Variants in AZGP1 observed in about 807,000 individuals in gnomAD.
AZGP1 encodes alpha-2-glycoprotein 1, zinc-binding.
A neutral mutation model predicts 31.5 loss-of-function variants in AZGP1; 28 were observed. That is an observed-to-expected ratio of 0.89 (90% CI 0.66 to 1.22). AZGP1 has a LOEUF of 1.22. Ranked by LOEUF, AZGP1 falls within the 50% of genes most tolerant of loss-of-function variation. The pLI, the probability that AZGP1 is intolerant of heterozygous loss-of-function variation, is 0.00. For missense variants in AZGP1, 361 were observed against 371.8 expected (o/e 0.97, Z 0.24); for synonymous variants, 135 against 145.4 (o/e 0.93, Z 0.51).
intron 3 of AZGP1, 57 bp from the exon 4 acceptor site, chr7:99,967,343 G>A (rs1584298477): frequency 1.3e-6 from 2 of 1,560,400 alleles, no homozygotes; most frequent in Non-Finnish European, 8.7e-7. Context: ...CCCGGCCCAG[G>A]TCTCTTCCTA....
At chr7:99,971,642 C>T (rs1789578602) in intron 2 of AZGP1, 104 bp downstream of exon 2, 1 of 1,398,062 alleles carries the variant, frequency 7.2e-7, no homozygotes, top group Non-Finnish European at 9.8e-7. Context: ...TGTTCTTCCC[C>T]TGGGATTGGG....
rs779439726 is a variant in AZGP1, at chr7:99,971,850, T to C, written c.233A>G (p.Glu78Gly). ...SQPMGLWRQV[E>G]GMEDWKQDSQ... ...GTCCTGCTTCCAATCCTCCATTCCT[T>C]CCACCTGTCTCCAGAGTCCCATGGG... is the stretch of plus-strand genomic sequence containing the variant. The change falls in exon 2 of 4, where the codon GAA (glutamate) becomes GGA (glycine). Residue 78 changes from glutamate to glycine, a missense_variant. Transcript: ENST00000292401. 1 of 1,614,146 alleles carries C rather than the reference T, an allele frequency of 6.2e-7. No homozygotes were observed. The highest frequency in any genetic ancestry group is 1.1e-5 in the South Asian group (1 of 91,074).
Position 99,968,185 on chromosome 7 carries a change from T to A in AZGP1, c.583A>T (p.Lys195Ter). The A allele has an allele frequency of 6.2e-7, 1 of 1,613,916 alleles. No homozygotes were observed. The highest frequency in any genetic ancestry group is 1.7e-4 in the Middle Eastern group (1 of 6,060). Residue 195 changes from lysine to a stop codon, truncating the protein, a stop_gained, in exon 3 of 4, where the codon AAA becomes TAA. Transcript: ENST00000292401. LOFTEE classifies it high-confidence loss of function. ...ECPATLRKYL[K>*]YSKNILDRQD... is the part of the protein sequence containing the mutation. ...CGGTCCAGGATATTTTTGCTGTATT[T>A]CAGGTATTTCCGCAGAGTCGCAGGG...
In AZGP1 at chr7:99,967,182, T is replaced by C. The variant is rs1226942447; in HGVS notation, c.718A>G (p.Thr240Ala). 5 of 1,613,916 alleles carry C rather than the reference T, an allele frequency of 3.1e-6. No individual in the cohort carries two copies. Among genetic ancestry groups the C allele is most frequent in the Non-Finnish European group, 4.2e-6 (5 of 1,179,990 alleles). ...GGCTCCTGCACCTCGCCGGCCCGAG[T>C]CCAGTGCACATCAATTTTCCCTGGG... ...FYPGKIDVHW[T>A]RAGEVQEPEL... is the part of the protein sequence containing the mutation. Residue 240 changes from threonine to alanine, a missense_variant, in exon 4 of 4, where the codon ACT becomes GCT. Physicochemically the swap from Thr to Ala is moderately conservative, Grantham distance 58. Transcript: ENST00000292401.
At chr7:99,973,262 G>A (rs1047866166) in intron 1 of AZGP1, among the ~76,000 whole-genome samples, 2 of 152,172 alleles carry the variant, frequency 1.3e-5, no homozygotes, top group Non-Finnish European at 2.9e-5. Flanking sequence ...CAGAATTCCC[G>A]GGGTTGTACC....
At chr7:99,975,810 T>A in intron 1 of AZGP1, 135 bp downstream of exon 1, 1 of 903,832 alleles carries the variant, frequency 1.1e-6, no homozygotes, top group Non-Finnish European at 1.8e-6. Flanking sequence ...CTGAGGGAGT[T>A]GACAGCCTTG....
intron 2 of AZGP1, among the ~76,000 whole-genome samples, chr7:99,971,040 C>G (rs1279692099): frequency 2.0e-5 from 3 of 152,144 alleles, no homozygotes; most frequent in African/African-American, 2.4e-5. Flanking sequence ...CTTTAGGGCT[C>G]CAAGGAACTC....
intron 1 of AZGP1, among the ~76,000 whole-genome samples, chr7:99,972,745 C>T (rs1407487929): frequency 6.6e-6 from 1 of 152,090 alleles, no homozygotes; most frequent in Non-Finnish European, 1.5e-5. Context: ...ACCAGAGAGG[C>T]AGAGGTTGCA....
chr7:99,975,827 C>T (rs965717795), intron 1 of AZGP1, 118 bp downstream of exon 1: 46 of 1,112,014 alleles, frequency 4.1e-5, no homozygotes, highest in Non-Finnish European at 5.1e-5. Context: ...CTTGGGCACC[C>T]ATTCCTGCCG....
At position 99,966,842 on chromosome 7, in the gene AZGP1, C is replaced by T. The variant is rs1210976544; in HGVS notation, c.*161G>A. On this transcript the variant is annotated 3_prime_UTR_variant, in exon 4 of 4. Transcript: ENST00000292401. ...GTCCAAGTCTACTCAAGACAGGCAT[C>T]CCAGTCTTCGGTCTCCAAATCCACC... is the stretch of plus-strand genomic sequence containing the variant. 4 of 1,105,474 alleles carry T rather than the reference C, an allele frequency of 3.6e-6. No homozygotes were observed. Among genetic ancestry groups the T allele is most frequent in the South Asian group, 1.5e-5 (1 of 64,934 alleles). The allele number at this position is 1,105,474 out of a possible 1,614,324, so 68.5% of individuals were successfully genotyped here. A position where few individuals can be genotyped will look rare whatever the true frequency, so the allele number is the denominator to read the frequency against.
At chr7:99,968,110 CTT>C in intron 3 of AZGP1, 43 bp downstream of exon 3, 1 of 1,608,882 alleles carries the variant, frequency 6.2e-7, no homozygotes, top group Non-Finnish European at 8.5e-7. Flanking sequence ...CTGAGATCGT[CTT>C]TTATTCTGGG....
chr7:99,972,541 C>T (rs940858724), intron 1 of AZGP1, among the ~76,000 whole-genome samples: 13 of 152,064 alleles, frequency 8.5e-5, no homozygotes, highest in African/African-American at 1.9e-4. Flanking sequence ...GGCTGGGCTC[C>T]GTGGCTCATG....
intron 1 of AZGP1, among the ~76,000 whole-genome samples, 190 bp downstream of exon 1, chr7:99,975,755 C>T (rs116277381): frequency 3.7e-4 from 56 of 152,192 alleles, no homozygotes; most frequent in Middle Eastern, 3.4e-3. Context: ...GGTCTTATTT[C>T]GGGCCAGCGC....
chr7:99,974,206 C>T (rs148751822), intron 1 of AZGP1, among the ~76,000 whole-genome samples: 2 of 152,124 alleles, frequency 1.3e-5, no homozygotes, highest in Admixed American at 6.5e-5. Flanking sequence ...GCCAAGATCA[C>T]GCCACTGCAC....
rs112067579 is a variant in AZGP1, at chr7:99,968,154, C to T, written c.613+1G>A. On this transcript the variant is annotated splice_donor_variant, in intron 3 of 3. Transcript: ENST00000292401. LOFTEE classifies it high-confidence loss of function. ...ACTGGGGAGCAGGAAGCAGTGAGTACCTTGCCGGTCCAGGATATTTTTGCT... is the reference window on the plus strand; with the variant it reads ...ACTGGGGAGCAGGAAGCAGTGAGTATCTTGCCGGTCCAGGATATTTTTGCT... 6.2e-7 allele frequency: 1 copy of T among 1,613,848 alleles called. No homozygotes were observed. The highest frequency in any genetic ancestry group is 2.2e-5 in the East Asian group (1 of 44,858).
chr7:99,972,094 G>A lies in AZGP1; in HGVS notation c.77-88C>T, dbSNP rs537766726. 5.1e-5 allele frequency: 73 copies of A among 1,435,522 alleles called. No homozygotes were observed. In the South Asian group the frequency reaches 9.1e-4, roughly 18 times the overall value. The allele number at this position is 1,435,522 out of a possible 1,614,324, so 88.9% of individuals were successfully genotyped here. The stretch of plus-strand genomic sequence containing the variant: ...GGGCTAGGAGGGGAGACCTGCCACT[G>A]GCCTTTTCTTCCCCAGCTCTTTCTC... On this transcript the variant is annotated intron_variant, in intron 1 of 3. Coordinates refer to ENST00000292401, the MANE Select transcript of AZGP1 (RefSeq NM_001185.4).
chr7:99,972,131 T>G, intron 1 of AZGP1, 125 bp from the exon 2 acceptor site: 1 of 1,102,112 alleles, frequency 9.1e-7, no homozygotes, highest in Admixed American at 2.8e-5. Context: ...TGCCATCAAC[T>G]TCACACCACT....
intron 1 of AZGP1, among the ~76,000 whole-genome samples, chr7:99,975,650 T>C (rs1191063027): frequency 6.6e-6 from 1 of 152,202 alleles, no homozygotes; most frequent in Non-Finnish European, 1.5e-5. Flanking sequence ...ATATGGTTCC[T>C]ACTCCGTCCT....
intron 2 of AZGP1, among the ~76,000 whole-genome samples, chr7:99,969,983 T>C (rs1193063335): frequency 6.6e-6 from 1 of 152,174 alleles, no homozygotes; most frequent in Non-Finnish European, 1.5e-5. Flanking sequence ...CACTGGTTGG[T>C]GCTGTTGGCA....
Sources: allele counts gnomAD v4.1 joint callset (sites outside exome capture counted in the v4.1 genomes callset), GRCh38; gene constraint gnomAD v4.1.1; transcripts MANE v1.5; gene names NCBI Gene and HGNC (gene_info 2026-07-23, HGNC 2026-07-21).